The following AP1AR variants were observed in gnomAD, a reference collection of about 807,000 sequenced individuals.
The protein encoded by AP1AR is adaptor related protein complex 1 associated regulatory protein, also known as AP-1 complex-associated regulatory protein.
In AP1AR, 29 loss-of-function variants were observed where a neutral mutation model predicts 46.3. The ratio of observed to expected loss-of-function variants is 0.63; its 90% confidence interval spans 0.47 to 0.85. The LOEUF is 0.85. AP1AR is among the 40% of genes least tolerant of loss of function. AP1AR has a pLI of 0.00. For missense variants in AP1AR, 357 were observed against 356.3 expected, an observed-to-expected ratio of 1.00 and a Z score of -0.02; for synonymous variants, 122 against 122.9, an observed-to-expected ratio of 0.99 and a Z score of 0.05.
In AP1AR at chr4:112,271,009, G is replaced by A. The variant is rs375756044; in HGVS notation, c.*2600G>A. Among the ~76,000 whole-genome samples the A allele has an allele frequency of 6.6e-6, 1 of 152,172 alleles. No individual in the cohort carries two copies. Among genetic ancestry groups the A allele is most frequent in the East Asian group, 1.9e-4 (1 of 5,196 alleles). ...GGCTGTGAAAAGGCAGAGCAGATTT[G>A]TTTTAGAGGTAGAATCATCAGGATT... On this transcript the variant is annotated 3_prime_UTR_variant, in exon 10 of 10. Coordinates refer to ENST00000274000, the MANE Select transcript of AP1AR (RefSeq NM_018569.6).
chr4:112,253,251 A>G lies in AP1AR; in HGVS notation c.127A>G (p.Ile43Val). The change falls in exon 2 of 10, where the codon ATA becomes GTA. Residue 43 changes from isoleucine to valine, a missense_variant. Physicochemically the swap from Ile to Val is conservative, Grantham distance 29 (BLOSUM62 3). This residue lies in a region of AP1AR where 269 missense variants were observed against 223.6 expected (regional missense o/e 1.20). Coordinates refer to ENST00000274000, the MANE Select transcript of AP1AR (RefSeq NM_018569.6). ...RTCSRGEHLT[I>V]EFENLVESDE... is the part of the protein sequence containing the mutation. ...ATGCTCAAGAGGTGAGCACTTAACA[A>G]TAGAGGTAAGTAGTCCTTAATTTGA... The G allele has an allele frequency of 1.2e-6, 2 of 1,610,196 alleles. No individual in the cohort carries two copies. The highest frequency in any genetic ancestry group is 1.7e-6 in the Non-Finnish European group (2 of 1,178,068).
chr4:112,243,141 A>T (rs1208063560), intron 1 of AP1AR, among the ~76,000 whole-genome samples: 1 of 152,178 alleles, frequency 6.6e-6, no homozygotes, highest in Non-Finnish European at 1.5e-5. Context: ...TGCACATATT[A>T]TGTGCCCGTA....
rs930346672 is a variant in AP1AR at position 112,257,894 on chromosome 4, A to G, written c.185+97A>G. ...CTTTATCATTTGCTTGCTTTGAGAC[A>G]TTAAACAGTTTACATTTCAGAACTT... On this transcript the variant is annotated intron_variant, in intron 4 of 9. Transcript: ENST00000274000. 35 of 1,058,188 alleles carry G rather than the reference A, an allele frequency of 3.3e-5. No homozygotes were observed. The African/African-American group carries it at 5.7e-4, about 17-fold the overall frequency. 65.5% of individuals were successfully genotyped at this position (1,058,188 alleles called of 1,614,324 possible).
intron 5 of AP1AR, among the ~76,000 whole-genome samples, chr4:112,262,556 A>C (rs942041537): frequency 6.6e-6 from 1 of 152,250 alleles, no homozygotes; most frequent in African/African-American, 2.4e-5. Flanking sequence ...ATTGATGTTA[A>C]TTAGATGGCA....
At chr4:112,262,716 C>G (rs1429773053) in intron 5 of AP1AR, among the ~76,000 whole-genome samples, 2 of 152,140 alleles carry the variant, frequency 1.3e-5, no homozygotes, top group Admixed American at 6.5e-5. Context: ...ACTGCAGATT[C>G]TAAAGAAACA....
chr4:112,267,361 C>T (rs1726751391), intron 9 of AP1AR, among the ~76,000 whole-genome samples: 1 of 151,926 alleles, frequency 6.6e-6, no homozygotes, highest in Admixed American at 6.6e-5. Flanking sequence ...TCTGTCCTGT[C>T]TCCCTTCCTT....
rs1726891830 is a variant in AP1AR at position 112,270,156 on chromosome 4, A to C, written c.*1747A>C. 6.6e-6 allele frequency: 1 copy of C among 152,640 alleles called. No homozygotes were observed. The highest frequency in any genetic ancestry group is 2.4e-5 in the African/African-American group (1 of 41,464). 9.5% of individuals were successfully genotyped at this position (152,640 alleles called of 1,614,324 possible). A position where few individuals can be genotyped will look rare whatever the true frequency, so the allele number is the denominator to read the frequency against. On this transcript the variant is annotated 3_prime_UTR_variant, in exon 10 of 10. Coordinates refer to ENST00000274000, the MANE Select transcript of AP1AR (RefSeq NM_018569.6). ...TAAATCTGATGTGAAGACAAAAGTAAATTAAGAAAGCAAGATGGAACTAGA... is the reference window on the plus strand; with the variant it reads ...TAAATCTGATGTGAAGACAAAAGTACATTAAGAAAGCAAGATGGAACTAGA...
At chr4:112,264,220 T>C (rs1726576812) in intron 6 of AP1AR, among the ~76,000 whole-genome samples, 1 of 152,196 alleles carries the variant, frequency 6.6e-6, no homozygotes, top group Non-Finnish European at 1.5e-5. Flanking sequence ...ATATAGACAC[T>C]TTTTACTGTA....
chr4:112,241,499 A>G lies in AP1AR; in HGVS notation c.83+9325A>G, dbSNP rs573151126. Among the ~76,000 whole-genome samples the G allele has an allele frequency of 2.0e-4, 31 of 152,322 alleles. No homozygotes were observed. The South Asian group carries it at 5.2e-3, about 25-fold the overall frequency. ...CAAGCAGTCAAGTAGAGAGAATTCA[A>G]TTCAACCTTCCTTCAGCTTTTTTGT... On this transcript the variant is annotated intron_variant, in intron 1 of 9. Transcript: ENST00000274000.
In AP1AR at chr4:112,270,457, C is replaced by G. The variant is rs889497080; in HGVS notation, c.*2048C>G. Among the ~76,000 whole-genome samples, 13 of 152,288 alleles carry G rather than the reference C, an allele frequency of 8.5e-5. No homozygotes were observed. The highest frequency in any genetic ancestry group is 3.1e-4 in the African/African-American group (13 of 41,564). On this transcript the variant is annotated 3_prime_UTR_variant, in exon 10 of 10. Transcript: ENST00000274000. ...TACAAGATTATAGGAGAGAGAGTAA[C>G]TGGGGGCCAATTGACTACTTCTCAT...
chr4:112,265,200 G>C lies in AP1AR; in HGVS notation c.440+133G>C. On this transcript the variant is annotated intron_variant, in intron 7 of 9. Transcript: ENST00000274000. ...TCCCTAAAAATTATTCCTTCTAAAA[G>C]ACATTGTCTTGGAAGAAAACTGAGA... 4.7e-6 allele frequency: 3 copies of C among 635,240 alleles called. No homozygotes were observed. In the South Asian group the frequency reaches 1.0e-4, roughly 21 times the overall value. 39.4% of individuals were successfully genotyped at this position (635,240 alleles called of 1,614,324 possible). A position where few individuals can be genotyped will look rare whatever the true frequency, so the allele number is the denominator to read the frequency against.
chr4:112,271,874 G>A lies in AP1AR; in HGVS notation c.*3465G>A, dbSNP rs190994273. Among the ~76,000 whole-genome samples the A allele has an allele frequency of 2.0e-5, 3 of 152,284 alleles. No individual in the cohort carries two copies. Among genetic ancestry groups the A allele is most frequent in the Admixed American group, 2.0e-4 (3 of 15,286 alleles). On this transcript the variant is annotated 3_prime_UTR_variant, in exon 10 of 10. Transcript: ENST00000274000. ...TAAACCAGCTGAGTTCACCCCAGGG[G>A]AGCACATAGGCAGAAAAGCCCCACT...
chr4:112,232,950 C>G (rs1398303629), intron 1 of AP1AR, among the ~76,000 whole-genome samples: 1 of 152,010 alleles, frequency 6.6e-6, no homozygotes, highest in African/African-American at 2.4e-5. Flanking sequence ...TTTCATAATT[C>G]CGTTTTTGTG....
rs993809067 is a variant in AP1AR at position 112,270,486 on chromosome 4, T to G, written c.*2077T>G. On this transcript the variant is annotated 3_prime_UTR_variant, in exon 10 of 10. Coordinates refer to ENST00000274000, the MANE Select transcript of AP1AR (RefSeq NM_018569.6). ...GGGCCAATTGACTACTTCTCATAGG[T>G]CAGGACAATCCTCTCTGAGGAGATA... Among the ~76,000 whole-genome samples the G allele has an allele frequency of 6.6e-6, 1 of 152,216 alleles. No individual in the cohort carries two copies. The highest frequency in any genetic ancestry group is 1.5e-5 in the Non-Finnish European group (1 of 68,044).
At chr4:112,253,425 T>G in intron 2 of AP1AR, 169 bp downstream of exon 2, 1 of 593,734 alleles carries the variant, frequency 1.7e-6, no homozygotes, top group Non-Finnish European at 2.9e-6. Context: ...AGGGAAGGAA[T>G]GAGTAGGAAG....
chr4:112,232,318 TGGTCGTCTTGGA>T, intron 1 of AP1AR, 144 bp downstream of exon 1: 1 of 708,916 alleles, frequency 1.4e-6, no homozygotes, highest in Admixed American at 4.3e-5. Context: ...GTCAGACTGG[TGGTCGTCTTGGA>T]GGCCCAGTCT....
At chr4:112,244,492 G>A (rs1205853480) in intron 1 of AP1AR, among the ~76,000 whole-genome samples, 1 of 152,084 alleles carries the variant, frequency 6.6e-6, no homozygotes, top group Non-Finnish European at 1.5e-5. Flanking sequence ...ATTTTTAAAA[G>A]GCAATTGTTT....
intron 6 of AP1AR, 113 bp downstream of exon 6, chr4:112,263,199 C>T (rs1053084934): frequency 3.0e-5 from 23 of 756,776 alleles, no homozygotes; most frequent in Middle Eastern, 2.5e-4. Flanking sequence ...TGTTTAACAA[C>T]GAATGTGTTT....
chr4:112,271,324 T>C lies in AP1AR; in HGVS notation c.*2915T>C, dbSNP rs1393545747. Reference sequence around the variant, plus strand: ...TGAGGCAATTTCTCATCCAGCTGGTTTCCAGTGACCTCACTCTCATTCAGG... The same window carrying C: ...TGAGGCAATTTCTCATCCAGCTGGTCTCCAGTGACCTCACTCTCATTCAGG... On this transcript the variant is annotated 3_prime_UTR_variant, in exon 10 of 10. Transcript: ENST00000274000. Among the ~76,000 whole-genome samples, 1 of 152,212 alleles carries C rather than the reference T, an allele frequency of 6.6e-6. No homozygotes were observed. Among genetic ancestry groups the C allele is most frequent in the Non-Finnish European group, 1.5e-5 (1 of 68,028 alleles).
Sources: gnomAD v4.1 joint callset for allele counts (sites outside exome capture counted in the v4.1 genomes callset) on GRCh38, gnomAD v4.1.1 for gene constraint, gnomAD v4.1.1 regional missense constraint, MANE v1.5 for transcripts, NCBI Gene and HGNC (gene_info 2026-07-23, HGNC 2026-07-21) for gene names.